ONECUT2: variants seen among roughly 807,000 people sequenced by gnomAD.
ONECUT2 encodes one cut domain family member 2.
A neutral mutation model predicts 27.9 loss-of-function variants in ONECUT2; 10 were observed. The observed-to-expected ratio is 0.36, with a 90% CI of 0.22 to 0.61. ONECUT2 has a LOEUF of 0.61. ONECUT2 is among the 20% of genes least tolerant of loss of function. The pLI is 0.73. For missense variants in ONECUT2, 686 were observed against 721.0 expected, an observed-to-expected ratio of 0.95 and a Z score of 0.56; for synonymous variants, 334 against 315.1, an observed-to-expected ratio of 1.06 and a Z score of -0.64.
intron 1 of ONECUT2, among the ~76,000 whole-genome samples, chr18:57,445,907 G>A (rs1334820427): frequency 9.2e-5 from 14 of 152,266 alleles, no homozygotes; most frequent in Admixed American, 9.2e-4. Context: ...TTTATTGGTA[G>A]CACTGACCTG....
At chr18:57,440,487 G>A (rs1057194778) in intron 1 of ONECUT2, among the ~76,000 whole-genome samples, 1 of 152,212 alleles carries the variant, frequency 6.6e-6, no homozygotes, top group Non-Finnish European at 1.5e-5. Flanking sequence ...CGGCCTGCCC[G>A]GAGCTGGTCT....
intron 1 of ONECUT2, among the ~76,000 whole-genome samples, chr18:57,450,169 T>C (rs763572237): frequency 3.9e-5 from 6 of 152,176 alleles, no homozygotes; most frequent in African/African-American, 1.4e-4. Context: ...AAAGGGGGTA[T>C]TCTTTTCTTA....
intron 1 of ONECUT2, among the ~76,000 whole-genome samples, chr18:57,462,995 G>T (rs918652190): frequency 6.6e-6 from 1 of 151,972 alleles, no homozygotes; most frequent in Non-Finnish European, 1.5e-5. Flanking sequence ...GCCTCCCAAA[G>T]TACTGGGATT....
chr18:57,443,768 G>A (rs2050187728), intron 1 of ONECUT2, among the ~76,000 whole-genome samples: 1 of 152,152 alleles, frequency 6.6e-6, no homozygotes, highest in African/African-American at 2.4e-5. Context: ...CTCACTTCGG[G>A]AGCAGGATTC....
At position 57,488,927 on chromosome 18, in the gene ONECUT2, A is replaced by G. The variant is rs2050451092; in HGVS notation, c.*12204A>G. The G allele has an allele frequency of 6.6e-6, 1 of 152,302 alleles. No homozygotes were observed. The highest frequency in any genetic ancestry group is 2.4e-5 in the African/African-American group (1 of 41,456). 9.4% of individuals were successfully genotyped at this position (152,302 alleles called of 1,614,324 possible). ...CTCTGGACTCCAACACTTCCCTGCAATCCTTTGGTCTTGAGCATGTGCCAG... is the reference window on the plus strand; with the variant it reads ...CTCTGGACTCCAACACTTCCCTGCAGTCCTTTGGTCTTGAGCATGTGCCAG... On this transcript the variant is annotated 3_prime_UTR_variant, in exon 2 of 2. Transcript: ENST00000491143.
intron 1 of ONECUT2, among the ~76,000 whole-genome samples, chr18:57,447,419 A>G (rs2050206413): frequency 6.6e-6 from 1 of 152,146 alleles, no homozygotes; most frequent in Non-Finnish European, 1.5e-5. Context: ...AGGGCCTCAT[A>G]TTTTCCTCTG....
chr18:57,462,651 T>C (rs2050298559), intron 1 of ONECUT2, among the ~76,000 whole-genome samples: 1 of 152,060 alleles, frequency 6.6e-6, no homozygotes. Context: ...TATTTCTCTT[T>C]GGGCTAGTAC....
rs533502060 is a variant in ONECUT2, at chr18:57,459,779, G to A, written c.1229-16658G>A. ...TCTCCATGTTGGTCAGGCTGGTCTCGAACTTCTGACCTCAGATGATCCACC... is the reference window on the plus strand; with the variant it reads ...TCTCCATGTTGGTCAGGCTGGTCTCAAACTTCTGACCTCAGATGATCCACC... On this transcript the variant is annotated intron_variant, in intron 1 of 1. Coordinates refer to ENST00000491143, the MANE Select transcript of ONECUT2 (RefSeq NM_004852.3). Among the ~76,000 whole-genome samples, 3 of 152,132 alleles carry A rather than the reference G, an allele frequency of 2.0e-5. No individual in the cohort carries two copies. The East Asian group carries it at 5.8e-4, about 29-fold the overall frequency.
chr18:57,464,372 C>T (rs556628377), intron 1 of ONECUT2, among the ~76,000 whole-genome samples: 1 of 152,068 alleles, frequency 6.6e-6, no homozygotes, highest in East Asian at 1.9e-4. Flanking sequence ...TCCGATATAA[C>T]ATTGAATCAT....
chr18:57,452,815 A>T (rs1900854203), intron 1 of ONECUT2, among the ~76,000 whole-genome samples: 1 of 152,238 alleles, frequency 6.6e-6, no homozygotes, highest in African/African-American at 2.4e-5. Flanking sequence ...GCAAAGGTCC[A>T]AGCCTGTTGC....
intron 1 of ONECUT2, among the ~76,000 whole-genome samples, chr18:57,451,623 C>T (rs1447234693): frequency 6.6e-6 from 1 of 152,230 alleles, no homozygotes; most frequent in Non-Finnish European, 1.5e-5. Context: ...ACCAGTTCTC[C>T]ATCCCGAGCC....
intron 1 of ONECUT2, among the ~76,000 whole-genome samples, chr18:57,474,745 C>T (rs570392854): frequency 5.0e-4 from 76 of 152,252 alleles, no homozygotes; most frequent in African/African-American, 1.6e-3. Flanking sequence ...GCAGACCGTC[C>T]ACATAAGATG....
At chr18:57,464,925 TATTTTCATAGAAA>T (rs1040651273) in intron 1 of ONECUT2, among the ~76,000 whole-genome samples, 11 of 152,294 alleles carry the variant, frequency 7.2e-5, no homozygotes, top group Admixed American at 6.5e-5. Context: ...TCATAGAAAA[TATTTTCATAGAAA>T]ATTTTCATAG....
At position 57,466,036 on chromosome 18, in the gene ONECUT2, C is replaced by T. The variant is rs376742263; in HGVS notation, c.1229-10401C>T. Among the ~76,000 whole-genome samples the T allele has an allele frequency of 1.5e-3, 233 of 152,360 alleles. 2 individuals are homozygous for T. The highest frequency in any genetic ancestry group is 5.4e-3 in the African/African-American group (226 of 41,592). ...CTCACCCTGAGTGCTCTGGAAACTA[C>T]TTCTCCAAGGGAGTGATGTACCAGC... On this transcript the variant is annotated intron_variant, in intron 1 of 1. Coordinates refer to ENST00000491143, the MANE Select transcript of ONECUT2 (RefSeq NM_004852.3).
chr18:57,474,764 A>G (rs1055324988), intron 1 of ONECUT2, among the ~76,000 whole-genome samples: 7 of 152,216 alleles, frequency 4.6e-5, no homozygotes, highest in Admixed American at 2.0e-4. Context: ...TGCTGCCTGC[A>G]GAACACATTG....
intron 1 of ONECUT2, among the ~76,000 whole-genome samples, chr18:57,441,551 C>T (rs974286775): frequency 3.9e-5 from 6 of 152,288 alleles, no homozygotes; most frequent in Non-Finnish European, 8.8e-5. Context: ...TGCGCACACA[C>T]CGCTACTTGC....
intron 1 of ONECUT2, among the ~76,000 whole-genome samples, chr18:57,473,773 A>C (rs2050367073): frequency 6.6e-6 from 1 of 152,244 alleles, no homozygotes; most frequent in African/African-American, 2.4e-5. Context: ...GCACTGCTGT[A>C]GAGGACTTCA....
In ONECUT2 at chr18:57,488,291, A is replaced by C. The variant is rs541691798; in HGVS notation, c.*11568A>C. 6.5e-6 allele frequency: 1 copy of C among 152,766 alleles called. No individual in the cohort carries two copies. The highest frequency in any genetic ancestry group is 2.4e-5 in the African/African-American group (1 of 41,578). 9.5% of individuals were successfully genotyped at this position (152,766 alleles called of 1,614,324 possible). On this transcript the variant is annotated 3_prime_UTR_variant, in exon 2 of 2. Transcript: ENST00000491143. ...TGTAATAGTGTTTAATCTTCCAGAA[A>C]GCTTTATATGTTGTTCCACAATAAA...
At chr18:57,471,807 T>G (rs1329104125) in intron 1 of ONECUT2, among the ~76,000 whole-genome samples, 1 of 152,192 alleles carries the variant, frequency 6.6e-6, no homozygotes, top group Admixed American at 6.5e-5. Context: ...AAATGACTTC[T>G]CTTCGAGTCT....
Sources: allele counts gnomAD v4.1 joint callset (sites outside exome capture counted in the v4.1 genomes callset), GRCh38; gene constraint gnomAD v4.1.1; transcripts MANE v1.5; gene names NCBI Gene and HGNC (gene_info 2026-07-23, HGNC 2026-07-21).